The following MEI4 variants were observed in gnomAD, a reference collection of about 807,000 sequenced individuals.
The protein encoded by MEI4 is meiosis-specific protein MEI4.
Under a neutral mutation model 31.4 loss-of-function variants are expected in MEI4, and 27 were observed. The observed-to-expected ratio is 0.86, with a 90% confidence interval of 0.63 to 1.19. The LOEUF (loss-of-function observed/expected upper bound fraction) is 1.19, where lower values mean the gene tolerates loss of function less well. Among genes scored for constraint, MEI4 ranks in the 50% most tolerant of loss-of-function variants. MEI4 has a pLI of 0.00. For synonymous variants in MEI4, 122 were observed against 145.4 expected (o/e 0.84, Z 1.16); for missense variants, 329 against 398.9 (o/e 0.82, Z 1.49).
chr6:77,817,733 A>G (rs1769721408), intron 3 of MEI4, among the ~76,000 whole-genome samples: 1 of 151,920 alleles, frequency 6.6e-6, no homozygotes, highest in Admixed American at 6.6e-5. Flanking sequence ...ATCTTGTTCT[A>G]GTGTTTATTT....
intron 4 of MEI4, among the ~76,000 whole-genome samples, chr6:77,855,947 C>A (rs573382163): frequency 2.6e-5 from 4 of 152,226 alleles, no homozygotes; most frequent in Non-Finnish European, 5.9e-5. Flanking sequence ...ACCATAACAT[C>A]ACTTTATACC....
chr6:77,878,890 A>T (rs1393340349), intron 4 of MEI4, among the ~76,000 whole-genome samples: 1 of 152,146 alleles, frequency 6.6e-6, no homozygotes, highest in Non-Finnish European at 1.5e-5. Context: ...ATGAAAATGC[A>T]TATAGTATGG....
At chr6:77,663,687 T>G (rs1325090050) in intron 1 of MEI4, among the ~76,000 whole-genome samples, 5 of 152,030 alleles carry the variant, frequency 3.3e-5, no homozygotes, top group South Asian at 2.1e-4. Flanking sequence ...TTGAAAAGAA[T>G]GTAATGTGGA....
intron 1 of MEI4, among the ~76,000 whole-genome samples, chr6:77,655,779 ACTC>A (rs1768383306): frequency 2.6e-5 from 4 of 152,206 alleles, no homozygotes; most frequent in African/African-American, 9.6e-5. Flanking sequence ...ACGTCAGTAG[ACTC>A]AGAGATTTTT....
intron 4 of MEI4, among the ~76,000 whole-genome samples, chr6:77,896,775 C>T (rs1048985572): frequency 2.0e-5 from 3 of 151,956 alleles, no homozygotes; most frequent in East Asian, 3.9e-4. Flanking sequence ...TGATAGGGAA[C>T]GTAGGTAAGG....
chr6:77,895,706 C>T (rs1331200505), intron 4 of MEI4, among the ~76,000 whole-genome samples: 1 of 152,006 alleles, frequency 6.6e-6, no homozygotes, highest in Admixed American at 6.6e-5. Context: ...ATCCCTGTAT[C>T]CCCAGCACCT....
intron 3 of MEI4, among the ~76,000 whole-genome samples, chr6:77,787,434 G>C (rs1768771149): frequency 6.6e-6 from 1 of 152,108 alleles, no homozygotes; most frequent in Non-Finnish European, 1.5e-5. Flanking sequence ...TGGTGGGGTG[G>C]TAGCCATCCC....
chr6:77,922,988 C>T (rs868133744), intron 4 of MEI4, 101 bp from the exon 5 acceptor site: 7 of 634,234 alleles, frequency 1.1e-5, no homozygotes, highest in South Asian at 8.4e-5. Flanking sequence ...TTAAATATTT[C>T]AAATATATTT....
intron 2 of MEI4, chr6:77,716,872 AATG>A: frequency 2.0e-6 from 2 of 984,036 alleles, no homozygotes; most frequent in Non-Finnish European, 2.4e-6. Flanking sequence ...CAAGGTAGAA[AATG>A]ATGACTGTCC....
intron 1 of MEI4, among the ~76,000 whole-genome samples, chr6:77,672,037 GCT>G: frequency 6.6e-6 from 1 of 152,310 alleles, no homozygotes; most frequent in Admixed American, 6.5e-5. Flanking sequence ...TATAGAGCTA[GCT>G]CTCTGCCTAG....
chr6:77,793,231 AAGG>A (rs762058940), intron 3 of MEI4, among the ~76,000 whole-genome samples: 33 of 152,198 alleles, frequency 2.2e-4, no homozygotes, highest in East Asian at 1.9e-4. Flanking sequence ...ACAAGCCACA[AAGG>A]AGGAGGATTA....
At chr6:77,858,072 G>A (rs1426574520) in intron 4 of MEI4, among the ~76,000 whole-genome samples, 1 of 152,124 alleles carries the variant, frequency 6.6e-6, no homozygotes, top group Non-Finnish European at 1.5e-5. Flanking sequence ...AGTTTTATCT[G>A]TCATATCTAC....
At chr6:77,841,920 G>A (rs139475328) in intron 4 of MEI4, among the ~76,000 whole-genome samples, 47 of 152,206 alleles carry the variant, frequency 3.1e-4, no homozygotes, top group African/African-American at 1.1e-3. Flanking sequence ...CCTACCAAAT[G>A]CTTGAAACTT....
At chr6:77,742,439 A>G (rs1291015266) in intron 2 of MEI4, among the ~76,000 whole-genome samples, 1 of 151,954 alleles carries the variant, frequency 6.6e-6, no homozygotes, top group East Asian at 1.9e-4. Flanking sequence ...GTGTCTGTTC[A>G]TGTCCTTTGC....
intron 2 of MEI4, among the ~76,000 whole-genome samples, chr6:77,714,370 A>C (rs768445663): frequency 7.9e-5 from 12 of 152,204 alleles, no homozygotes; most frequent in Non-Finnish European, 1.6e-4. Flanking sequence ...GTCTGAAACA[A>C]TACTATCTCA....
At position 77,926,883 on chromosome 6, in the gene MEI4, G is replaced by A. The variant is rs1766856617; in HGVS notation, c.*3537G>A. Reference sequence around the variant, plus strand: ...TATCTAATATTGAAAAAATATATAGGATTTTATTATTGTTAAAAGTTAATT... The same window carrying A: ...TATCTAATATTGAAAAAATATATAGAATTTTATTATTGTTAAAAGTTAATT... On this transcript the variant is annotated 3_prime_UTR_variant, in exon 5 of 5. Coordinates refer to ENST00000684080, the MANE Select transcript of MEI4 (RefSeq NM_001322247.2). 1 of 151,698 alleles carries A rather than the reference G, an allele frequency of 6.6e-6. No homozygotes were observed. The highest frequency in any genetic ancestry group is 1.5e-5 in the Non-Finnish European group (1 of 67,888). 9.4% of individuals were successfully genotyped at this position (151,698 alleles called of 1,614,324 possible).
chr6:77,880,370 A>T (rs896809545), intron 4 of MEI4, among the ~76,000 whole-genome samples: 1 of 152,060 alleles, frequency 6.6e-6, no homozygotes, highest in African/African-American at 2.4e-5. Context: ...AGCTGGGACT[A>T]CAGGCGCCCA....
intron 4 of MEI4, among the ~76,000 whole-genome samples, chr6:77,885,810 A>G (rs1429788642): frequency 1.3e-5 from 2 of 152,018 alleles, no homozygotes; most frequent in Non-Finnish European, 2.9e-5. Context: ...GGGTTTTTAT[A>G]TATGGCCTTT....
intron 3 of MEI4, among the ~76,000 whole-genome samples, chr6:77,762,270 C>G (rs1768062741): frequency 6.6e-6 from 1 of 152,022 alleles, no homozygotes. Context: ...TATTTCCTTA[C>G]TTATTTATTT....
Sources: allele counts gnomAD v4.1 joint callset (sites outside exome capture counted in the v4.1 genomes callset), GRCh38; gene constraint gnomAD v4.1.1; transcripts MANE v1.5; gene names NCBI Gene and HGNC (gene_info 2026-07-23, HGNC 2026-07-21).